The following GUCY1A2 variants were observed in gnomAD, a reference collection of about 807,000 sequenced individuals.
GUCY1A2 encodes guanylate cyclase 1 soluble subunit alpha 2.
GUCY1A2 carries 27 observed loss-of-function variants against 63.5 expected under a neutral mutation model. That is an observed-to-expected ratio of 0.43 (90% CI 0.31 to 0.59). The LOEUF (loss-of-function observed/expected upper bound fraction) is 0.59, where lower values mean the gene tolerates loss of function less well. Among genes scored for constraint, GUCY1A2 ranks in the 20% least tolerant of loss-of-function variants. The probability of loss-of-function intolerance (pLI) is 0.11; values close to 1 mark genes in which losing one functional copy is unlikely to be tolerated. For synonymous variants in GUCY1A2, 364 were observed against 343.5 expected, an observed-to-expected ratio of 1.06 and a Z score of -0.66; for missense variants, 768 against 913.3, an observed-to-expected ratio of 0.84 and a Z score of 2.05.
chr11:106,687,582 G>A lies in GUCY1A2; in HGVS notation c.2166C>T (p.Ile722=), dbSNP rs781486870. The A allele has an allele frequency of 1.4e-5, 22 of 1,613,722 alleles. No individual in the cohort carries two copies. The East Asian group carries it at 2.7e-4, about 20-fold the overall frequency. ...SSRIKKVSYN[I]GTMFLRETSL is the part of the protein sequence containing the mutation. ...TTGTCTCCCGGAGGAACATGGTGCC[G>A]ATGTTGTAGGAAACCTTTTTTATTC... The change falls in exon 8 of 8, where the codon ATC becomes ATT. Residue 722 remains isoleucine (I), a synonymous_variant. Coordinates refer to ENST00000526355, the MANE Select transcript of GUCY1A2 (RefSeq NM_000855.3).
intron 6 of GUCY1A2, among the ~76,000 whole-genome samples, chr11:106,708,962 T>G (rs535291741): frequency 1.3e-4 from 20 of 151,210 alleles, no homozygotes; most frequent in African/African-American, 3.9e-4. Context: ...ATTTCATCTG[T>G]ATGTAATATG....
chr11:106,916,003 G>C (rs1228181151), intron 4 of GUCY1A2, among the ~76,000 whole-genome samples: 1 of 144,590 alleles, frequency 6.9e-6, no homozygotes, highest in Non-Finnish European at 1.6e-5. Flanking sequence ...GGGGAACAAG[G>C]GAAAGTAAGG....
At chr11:106,911,056 A>C (rs1408085065) in intron 4 of GUCY1A2, among the ~76,000 whole-genome samples, 1 of 151,952 alleles carries the variant, frequency 6.6e-6, no homozygotes, top group Non-Finnish European at 1.5e-5. Flanking sequence ...AGTATGTATT[A>C]AAGGAAGAAA....
intron 5 of GUCY1A2, among the ~76,000 whole-genome samples, chr11:106,802,778 T>C (rs1389348412): frequency 3.9e-5 from 6 of 152,166 alleles, no homozygotes; most frequent in Non-Finnish European, 5.9e-5. Context: ...CTTCTTCTTA[T>C]AATGATGCTA....
chr11:106,820,188 C>CT (rs1429387936), intron 4 of GUCY1A2, among the ~76,000 whole-genome samples: 1 of 152,122 alleles, frequency 6.6e-6, no homozygotes, highest in Non-Finnish European at 1.5e-5. Flanking sequence ...ATAAAACCAA[C>CT]TTTCCCCCAT....
chr11:106,694,459 G>C (rs1362025415), intron 7 of GUCY1A2, among the ~76,000 whole-genome samples: 1 of 152,086 alleles, frequency 6.6e-6, no homozygotes, highest in African/African-American at 2.4e-5. Context: ...GTAATTATTA[G>C]GCTCCTAAAA....
At chr11:107,001,227 T>C (rs1314942924) in intron 1 of GUCY1A2, among the ~76,000 whole-genome samples, 2 of 152,202 alleles carry the variant, frequency 1.3e-5, no homozygotes, top group Non-Finnish European at 2.9e-5. Context: ...GGATATAGAA[T>C]TATAAGTATT....
At chr11:106,865,364 T>A (rs1398176691) in intron 4 of GUCY1A2, among the ~76,000 whole-genome samples, 2 of 152,046 alleles carry the variant, frequency 1.3e-5, no homozygotes, top group Non-Finnish European at 1.5e-5. Flanking sequence ...TTTGAAGGGT[T>A]TTTTGTGTCT....
chr11:106,740,217 C>T (rs1863668820), intron 6 of GUCY1A2, among the ~76,000 whole-genome samples: 1 of 152,062 alleles, frequency 6.6e-6, no homozygotes, highest in Middle Eastern at 3.4e-3. Context: ...TCTGGCTGGT[C>T]TCAAACTCCT....
At chr11:106,782,726 T>G (rs749030235) in intron 5 of GUCY1A2, among the ~76,000 whole-genome samples, 11 of 151,816 alleles carry the variant, frequency 7.2e-5, no homozygotes, top group Non-Finnish European at 1.3e-4. Context: ...AATGGCGGTC[T>G]GCACAAGAAT....
chr11:106,747,253 G>A (rs1863805988), intron 6 of GUCY1A2, among the ~76,000 whole-genome samples: 1 of 152,168 alleles, frequency 6.6e-6, no homozygotes, highest in African/African-American at 2.4e-5. Context: ...CTGCCAAAGT[G>A]CTGGGATTAC....
At chr11:106,936,665 T>A (rs1251013875) in intron 4 of GUCY1A2, 2 of 1,531,724 alleles carry the variant, frequency 1.3e-6, no homozygotes, top group East Asian at 4.9e-5. Flanking sequence ...GACTGTTGAA[T>A]CCTGCCACTG....
At position 106,900,855 on chromosome 11, in the gene GUCY1A2, T is replaced by C. The variant is rs1305206509; in HGVS notation, c.1206+38605A>G. ...TTATTGCTAAAAATGCTAATGATTATCTGAGCCTTCAGCAACTTGTAATCC... is the reference window on the plus strand; with the variant it reads ...TTATTGCTAAAAATGCTAATGATTACCTGAGCCTTCAGCAACTTGTAATCC... On this transcript the variant is annotated intron_variant, in intron 4 of 7. Coordinates refer to ENST00000526355, the MANE Select transcript of GUCY1A2 (RefSeq NM_000855.3). Among the ~76,000 whole-genome samples the C allele has an allele frequency of 2.6e-5, 4 of 152,246 alleles. No homozygotes were observed. In the South Asian group the frequency reaches 8.3e-4, roughly 32 times the overall value.
intron 4 of GUCY1A2, among the ~76,000 whole-genome samples, chr11:106,833,946 A>G (rs935554459): frequency 2.6e-5 from 4 of 152,040 alleles, no homozygotes; most frequent in Non-Finnish European, 4.4e-5. Context: ...TACAATTGAT[A>G]AATTAAAAAT....
chr11:106,743,366 G>T (rs968486676), intron 6 of GUCY1A2, among the ~76,000 whole-genome samples: 2 of 152,114 alleles, frequency 1.3e-5, no homozygotes, highest in African/African-American at 2.4e-5. Flanking sequence ...CCACATATGG[G>T]TATTTAGAAA....
intron 1 of GUCY1A2, among the ~76,000 whole-genome samples, chr11:106,987,879 G>A (rs1861422288): frequency 6.6e-6 from 1 of 152,128 alleles, no homozygotes; most frequent in South Asian, 2.1e-4. Flanking sequence ...TACCACGTAG[G>A]AGAACCCTTT....
chr11:106,802,692 A>G (rs1287122620), intron 5 of GUCY1A2, among the ~76,000 whole-genome samples: 1 of 152,086 alleles, frequency 6.6e-6, no homozygotes, highest in Admixed American at 6.6e-5. Context: ...TTCCCAGGTG[A>G]GGGCTCTCTT....
Position 106,686,094 on chromosome 11 carries a change from GGCT to G in GUCY1A2, c.*1452_*1454del. ...ATGAGTAAGAAAATGACCTCTCCAA[GGCT>G]TAAAGGAAACAAATGCTTCCAGCTT... On this transcript the variant is annotated 3_prime_UTR_variant, in exon 8 of 8. Coordinates refer to ENST00000526355, the MANE Select transcript of GUCY1A2 (RefSeq NM_000855.3). 1 of 215,242 alleles carries G rather than the reference GGCT, an allele frequency of 4.6e-6. No individual in the cohort carries two copies. The highest frequency in any genetic ancestry group is 9.4e-6 in the Non-Finnish European group (1 of 106,732). The allele number at this position is 215,242 out of a possible 1,614,324, so 13.3% of individuals were successfully genotyped here. A position where few individuals can be genotyped will look rare whatever the true frequency, so the allele number is the denominator to read the frequency against.
chr11:106,906,273 G>T (rs1264407247), intron 4 of GUCY1A2, among the ~76,000 whole-genome samples: 1 of 152,048 alleles, frequency 6.6e-6, no homozygotes, highest in Non-Finnish European at 1.5e-5. Context: ...TCAAAAACTG[G>T]GCGAACGATA....
Sources: allele counts gnomAD v4.1 joint callset (sites outside exome capture counted in the v4.1 genomes callset), GRCh38; gene constraint gnomAD v4.1.1; transcripts MANE v1.5; gene names NCBI Gene and HGNC (gene_info 2026-07-23, HGNC 2026-07-21).